Variants in SHISA9 observed in about 807,000 individuals in gnomAD.
SHISA9 encodes protein shisa-9.
Under a neutral mutation model 38.0 loss-of-function variants are expected in SHISA9, and 13 were observed. The ratio of observed to expected loss-of-function variants is 0.34; its 90% CI spans 0.22 to 0.54. The LOEUF (loss-of-function observed/expected upper bound fraction) is 0.54, where lower values mean the gene tolerates loss of function less well. Among genes scored for constraint, SHISA9 ranks in the 20% least tolerant of loss-of-function variants. The pLI is 0.91. For missense variants in SHISA9, 538 were observed against 575.8 expected (o/e 0.93, Z 0.67); for synonymous variants, 275 against 242.0 (o/e 1.14, Z -1.27).
the SHISA9 span, chr16:13,458,293 TC>T: frequency 7.9e-6 from 2 of 253,414 alleles, no homozygotes; most frequent in Non-Finnish European, 1.5e-5. Flanking sequence ...TCTCAGGGGA[TC>T]ATGGGAGATC....
the SHISA9 span, among the ~76,000 whole-genome samples, chr16:13,482,818 G>A: frequency 0.67 from 84,712 of 125,846 alleles, 27,331 homozygotes; most frequent in South Asian, 0.82. Flanking sequence ...AAAAAAAAAA[G>A]AGAGAGAGAG....
chr16:13,119,033 T>A (rs1447026604), intron 2 of SHISA9, among the ~76,000 whole-genome samples: 1 of 149,988 alleles, frequency 6.7e-6, no homozygotes, highest in Non-Finnish European at 1.5e-5. Flanking sequence ...TGCCTGGCCA[T>A]GTTTTTGTAT....
At chr16:13,325,915 G>C in the SHISA9 span, among the ~76,000 whole-genome samples, 1 of 150,438 alleles carries the variant, frequency 6.6e-6, no homozygotes, top group African/African-American at 2.5e-5. Flanking sequence ...TATGGGTATA[G>C]GGGAGGGAGA....
the SHISA9 span, among the ~76,000 whole-genome samples, chr16:13,314,213 A>G: frequency 7.2e-6 from 1 of 139,688 alleles, no homozygotes; most frequent in African/African-American, 2.6e-5. Flanking sequence ...ATTTTTTTTT[A>G]TTTTTTTATT....
At chr16:13,152,736 ACT>A (rs1257799980) in intron 2 of SHISA9, among the ~76,000 whole-genome samples, 2 of 152,222 alleles carry the variant, frequency 1.3e-5, no homozygotes, top group South Asian at 4.2e-4. Flanking sequence ...ATTGATGAAG[ACT>A]CTATCTGAAG....
At chr16:13,156,522 C>T (rs1389094842) in intron 2 of SHISA9, among the ~76,000 whole-genome samples, 8 of 152,008 alleles carry the variant, frequency 5.3e-5, no homozygotes, top group Admixed American at 3.3e-4. Context: ...ATCACAAGGT[C>T]GGGAGATCGA....
chr16:13,545,309 A>G, the SHISA9 span, among the ~76,000 whole-genome samples: 1 of 152,252 alleles, frequency 6.6e-6, no homozygotes, highest in South Asian at 2.1e-4. Context: ...AAGAACCAGG[A>G]TAAGTTTCCC....
At chr16:13,506,405 A>G in the SHISA9 span, among the ~76,000 whole-genome samples, 1 of 152,214 alleles carries the variant, frequency 6.6e-6, no homozygotes, top group Non-Finnish European at 1.5e-5. Context: ...AGGTAATGAT[A>G]TAGCATATTA....
At chr16:13,192,231 T>G (rs985298991) in intron 2 of SHISA9, among the ~76,000 whole-genome samples, 1 of 151,064 alleles carries the variant, frequency 6.6e-6, no homozygotes, top group Admixed American at 6.6e-5. Context: ...AAAAGGGAGG[T>G]GGATGGGAAA....
chr16:13,345,415 G>A, the SHISA9 span, among the ~76,000 whole-genome samples: 1 of 152,076 alleles, frequency 6.6e-6, no homozygotes, highest in Non-Finnish European at 1.5e-5. Context: ...CTCCATCCAT[G>A]TCCCTGCAAA....
intron 2 of SHISA9, among the ~76,000 whole-genome samples, chr16:13,109,216 TG>T (rs2073954845): frequency 6.6e-6 from 1 of 152,082 alleles, no homozygotes; most frequent in Non-Finnish European, 1.5e-5. Flanking sequence ...TTTGTAGGGA[TG>T]GGTTTGCTGT....
At chr16:13,486,082 A>G in the SHISA9 span, among the ~76,000 whole-genome samples, 1 of 152,174 alleles carries the variant, frequency 6.6e-6, no homozygotes, top group African/African-American at 2.4e-5. Flanking sequence ...CCATGTTAGA[A>G]ACAGGGGACC....
intron 2 of SHISA9, among the ~76,000 whole-genome samples, chr16:12,970,336 T>TAC (rs1257143319): frequency 0.07 from 6,274 of 90,182 alleles, 836 homozygotes; most frequent in Non-Finnish European, 0.1. Context: ...CATATATATA[T>TAC]ATATATACAT....
intron 2 of SHISA9, among the ~76,000 whole-genome samples, chr16:13,002,646 C>T (rs914323671): frequency 6.6e-6 from 1 of 151,308 alleles, no homozygotes; most frequent in African/African-American, 2.4e-5. Context: ...AATTCTCCTG[C>T]CTCACCCTCC....
At chr16:13,521,741 TG>T in the SHISA9 span, among the ~76,000 whole-genome samples, 2 of 152,352 alleles carry the variant, frequency 1.3e-5, no homozygotes, top group Middle Eastern at 3.4e-3. Flanking sequence ...TTCTTTGCCA[TG>T]TAACTGTTTC....
chr16:13,097,422 A>AT (rs11318129), intron 2 of SHISA9, among the ~76,000 whole-genome samples: 8,247 of 145,412 alleles, frequency 0.057, 742 homozygotes, highest in African/African-American at 0.19. Context: ...TCTGATCAGT[A>AT]TTTTTTTTTT....
chr16:13,329,852 T>C, the SHISA9 span, among the ~76,000 whole-genome samples: 2 of 152,234 alleles, frequency 1.3e-5, no homozygotes, highest in African/African-American at 4.8e-5. Context: ...TGACTTTTCA[T>C]GAAGAGCTAG....
At chr16:13,086,004 G>T (rs1234166939) in intron 2 of SHISA9, among the ~76,000 whole-genome samples, 1 of 152,058 alleles carries the variant, frequency 6.6e-6, no homozygotes, top group Non-Finnish European at 1.5e-5. Context: ...CAAGAGTATT[G>T]TTTAAAGAAA....
At chr16:13,042,265 C>G (rs1056533442) in intron 2 of SHISA9, among the ~76,000 whole-genome samples, 1 of 152,216 alleles carries the variant, frequency 6.6e-6, no homozygotes, top group African/African-American at 2.4e-5. Context: ...CCAGAAGGCA[C>G]TCGTTACCTG....
Sources: gnomAD v4.1 joint callset for allele counts (sites outside exome capture counted in the v4.1 genomes callset) on GRCh38, gnomAD v4.1.1 for gene constraint, MANE v1.5 for transcripts, NCBI Gene and HGNC (gene_info 2026-07-23, HGNC 2026-07-21) for gene names.